Variants in RELN observed in about 807,000 individuals in gnomAD.
RELN encodes the protein reelin.
A neutral mutation model predicts 427.6 loss-of-function variants in RELN; 108 were observed. The ratio of observed to expected loss-of-function variants is 0.25; its 90% CI spans 0.22 to 0.30. RELN has a LOEUF of 0.30. RELN is among the 10% of genes least tolerant of loss of function. RELN has a pLI of 1.00. For synonymous variants in RELN, 1,524 were observed against 1,513.4 expected, an observed-to-expected ratio of 1.01 and a Z score of -0.16; for missense variants, 3,715 against 4,302.8, an observed-to-expected ratio of 0.86 and a Z score of 3.82.
At chr7:103,860,729 C>T (rs905357817) in intron 2 of RELN, among the ~76,000 whole-genome samples, 9 of 151,886 alleles carry the variant, frequency 5.9e-5, no homozygotes, top group Non-Finnish European at 8.8e-5. Flanking sequence ...AATTCTAAAA[C>T]AAAAATATCA....
chr7:103,878,691 G>A (rs999878358), intron 2 of RELN, among the ~76,000 whole-genome samples: 1 of 152,178 alleles, frequency 6.6e-6, no homozygotes, highest in African/African-American at 2.4e-5. Context: ...TTTGTACCCA[G>A]GATGGGGGGC....
intron 2 of RELN, among the ~76,000 whole-genome samples, chr7:103,916,707 C>T (rs1255114930): frequency 6.6e-6 from 1 of 152,090 alleles, no homozygotes; most frequent in Admixed American, 6.6e-5. Flanking sequence ...TTTCATTAAC[C>T]ATAATATTTT....
intron 29 of RELN, 105 bp downstream of exon 29, chr7:103,575,443 A>AGG (rs1242183652): frequency 9.4e-6 from 12 of 1,277,220 alleles, no homozygotes; most frequent in Non-Finnish European, 2.3e-6. Flanking sequence ...AGACTTAAAG[A>AGG]GGAATAAATT....
Position 103,562,141 on chromosome 7 carries a change from C to T in RELN, c.5211-188G>A, listed in dbSNP as rs57651723. On this transcript the variant is annotated intron_variant, in intron 34 of 64. Transcript: ENST00000428762. ...ATGCTGTTTTCTCTTGACTCATAAA[C>T]AGGAGAGTAGAAAGCATGTTATTTA... Among the ~76,000 whole-genome samples the T allele has an allele frequency of 0.012, 1,866 of 152,272 alleles. 52 individuals carry two copies. Among genetic ancestry groups the T allele is most frequent in the African/African-American group, 0.044 (1,807 of 41,534 alleles).
intron 6 of RELN, among the ~76,000 whole-genome samples, chr7:103,732,018 G>A (rs908886207): frequency 3.9e-5 from 6 of 152,154 alleles, no homozygotes; most frequent in South Asian, 4.2e-4. Context: ...TTCCACAGCC[G>A]TATGTGACTA....
intron 4 of RELN, among the ~76,000 whole-genome samples, chr7:103,768,998 AT>A (rs938554171): frequency 1.3e-5 from 2 of 152,218 alleles, no homozygotes; most frequent in African/African-American, 4.8e-5. Context: ...ACAGAGATAC[AT>A]TTTTAAAAAA....
chr7:103,961,846 TAGGAAGC>T (rs1431450986), intron 1 of RELN, among the ~76,000 whole-genome samples: 2 of 152,144 alleles, frequency 1.3e-5, no homozygotes, highest in African/African-American at 4.8e-5. Flanking sequence ...TGTCTGAGAG[TAGGAAGC>T]ATGAAGTATT....
At chr7:103,937,562 T>C in intron 1 of RELN, among the ~76,000 whole-genome samples, 1 of 152,224 alleles carries the variant, frequency 6.6e-6, no homozygotes, top group Admixed American at 6.5e-5. Context: ...ATGTCTTTAT[T>C]TTATGAGAAA....
chr7:103,801,839 T>C (rs968531828), intron 3 of RELN, among the ~76,000 whole-genome samples: 3 of 152,146 alleles, frequency 2.0e-5, no homozygotes, highest in East Asian at 1.9e-4. Flanking sequence ...TCCTGGCACA[T>C]AGTAAGTTCT....
intron 2 of RELN, among the ~76,000 whole-genome samples, chr7:103,845,777 A>C (rs1793659294): frequency 6.6e-6 from 1 of 152,202 alleles, no homozygotes; most frequent in Non-Finnish European, 1.5e-5. Flanking sequence ...TGCCACAAAG[A>C]GAATAAAATG....
chr7:103,868,785 A>T (rs2299389), intron 2 of RELN, among the ~76,000 whole-genome samples: 21,824 of 152,072 alleles, frequency 0.14, 1,880 homozygotes, highest in East Asian at 0.34. Flanking sequence ...TTTTACTGAA[A>T]CATGCCTTTT....
rs552275808 is a variant in RELN at position 103,547,399 on chromosome 7, C to T, written c.6303-2055G>A. Reference sequence around the variant, plus strand: ...GCAACCTCCACCTCCAGGGTTCAAGCAATTCTTCTGCCTCAGCCTCCAGAG... The same window carrying T: ...GCAACCTCCACCTCCAGGGTTCAAGTAATTCTTCTGCCTCAGCCTCCAGAG... On this transcript the variant is annotated intron_variant, in intron 41 of 64. Transcript: ENST00000428762. Among the ~76,000 whole-genome samples the T allele has an allele frequency of 7.6e-4, 115 of 152,128 alleles. 1 individual carries two copies. The highest frequency in any genetic ancestry group is 2.7e-3 in the African/African-American group (112 of 41,438).
At chr7:103,717,286 T>C (rs1789961559) in intron 8 of RELN, among the ~76,000 whole-genome samples, 1 of 149,890 alleles carries the variant, frequency 6.7e-6, no homozygotes, top group African/African-American at 2.4e-5. Flanking sequence ...GAGATAAATA[T>C]ATATTTATAA....
At chr7:103,882,382 T>A (rs186194780) in intron 2 of RELN, among the ~76,000 whole-genome samples, 2 of 152,320 alleles carry the variant, frequency 1.3e-5, no homozygotes, top group East Asian at 3.9e-4. Context: ...AAATCTCAGT[T>A]ATCTTTGAAT....
intron 3 of RELN, among the ~76,000 whole-genome samples, chr7:103,781,825 G>T (rs1281353679): frequency 1.3e-5 from 2 of 151,564 alleles, no homozygotes; most frequent in African/African-American, 4.9e-5. Flanking sequence ...TTCATTTCCA[G>T]AATTGTTATT....
chr7:103,870,826 GC>G (rs1341609970), intron 2 of RELN, among the ~76,000 whole-genome samples: 5 of 152,048 alleles, frequency 3.3e-5, no homozygotes, highest in Admixed American at 1.3e-4. Flanking sequence ...GAACTCATGA[GC>G]AATATCCATC....
intron 14 of RELN, 113 bp from the exon 15 acceptor site, chr7:103,651,902 A>C: frequency 8.6e-7 from 1 of 1,163,718 alleles, no homozygotes; most frequent in East Asian, 2.6e-5. Context: ...ACAGTGTAAA[A>C]TTTTTTAAAG....
In RELN at chr7:103,487,042, G is replaced by A. The variant is rs556481907; in HGVS notation, c.9764-626C>T. Among the ~76,000 whole-genome samples the A allele has an allele frequency of 3.9e-5, 6 of 152,306 alleles. No homozygotes were observed. The South Asian group carries it at 8.3e-4, about 21-fold the overall frequency. The stretch of plus-strand genomic sequence containing the variant: ...CAATGTTAGACTGGATAAAGAAAAT[G>A]TGGCACATAAACACCATGGAATACT... On this transcript the variant is annotated intron_variant, in intron 60 of 64. Transcript: ENST00000428762.
rs10650410 is a variant in RELN at position 103,885,338 on chromosome 7, CA to C, written c.337+31736del. ...TGGGCGACAGAGCAAGACTCCATCT[CA>C]AAAAAAAAAAATTATAGACTGGATA... On this transcript the variant is annotated intron_variant, in intron 2 of 64. Coordinates refer to ENST00000428762, the MANE Select transcript of RELN (RefSeq NM_005045.4). 1.8e-4 allele frequency among the ~76,000 whole-genome samples: 26 copies of C among 142,138 alleles called. 1 individual carries two copies. The highest frequency in any genetic ancestry group is 2.8e-4 in the Admixed American group (4 of 14,194). The allele number at this position is 142,138 out of a possible 152,430, so 93.2% of individuals were successfully genotyped here.
Sources: gnomAD v4.1 joint callset for allele counts (sites outside exome capture counted in the v4.1 genomes callset) on GRCh38, gnomAD v4.1.1 for gene constraint, MANE v1.5 for transcripts, NCBI Gene and HGNC (gene_info 2026-07-23, HGNC 2026-07-21) for gene names.